Variants in FRMD8 observed in about 807,000 individuals in gnomAD.
FRMD8 encodes the protein FERM domain containing 8.
Under a neutral mutation model 54.2 loss-of-function variants are expected in FRMD8, and 37 were observed. The observed-to-expected ratio is 0.68, with a 90% CI of 0.53 to 0.90. The LOEUF is 0.90. FRMD8 is among the 40% of genes least tolerant of loss of function. FRMD8 has a pLI of 0.00. For synonymous variants in FRMD8, 246 were observed against 286.9 expected, an observed-to-expected ratio of 0.86 and a Z score of 1.44; for missense variants, 585 against 653.7, an observed-to-expected ratio of 0.89 and a Z score of 1.15.
At chr11:65,379,495 A>AC in the FRMD8 span, 2 of 1,613,952 alleles carry the variant, frequency 1.2e-6, no homozygotes, top group South Asian at 2.2e-5. Flanking sequence ...TAGACCCCAA[A>AC]CAGGACAGAG....
In FRMD8 at chr11:65,387,003, T is replaced by C. The variant is rs1855745575; in HGVS notation, c.1-34T>C. 2.5e-6 allele frequency: 4 copies of C among 1,584,458 alleles called. No homozygotes were observed. In the East Asian group the frequency reaches 9.0e-5, roughly 36 times the overall value. On this transcript the variant is annotated intron_variant, in intron 1 of 10. Transcript: ENST00000317568. ...AGACCTCCAGCCCCCCATCCCTGGC[T>C]CCCGGTAACTGCTGTTTCTCTTTGC...
In FRMD8 at chr11:65,389,512, G is replaced by T; in HGVS notation, c.237G>T (p.Leu79=). Residue 79 remains leucine (L), a synonymous_variant, in exon 3 of 11, where the codon CTG becomes CTT. Transcript: ENST00000317568. ...DIALDVFALW[L]VSPLLEVQLK... The stretch of plus-strand genomic sequence containing the variant: ...CCCTGGATGTCTTCGCGCTCTGGCT[G>T]GTCTCCCCTCTGCTGGGTAAGGCTT... 1.9e-6 allele frequency: 3 copies of T among 1,593,324 alleles called. No homozygotes were observed. The highest frequency in any genetic ancestry group is 2.6e-6 in the Non-Finnish European group (3 of 1,173,992).
upstream of FRMD8, among the ~76,000 whole-genome samples, chr11:65,384,934 C>T (rs1394439119): frequency 1.3e-5 from 2 of 152,152 alleles, no homozygotes; most frequent in African/African-American, 2.4e-5. Flanking sequence ...TGGTCTTGAA[C>T]TCCTGGCCTC....
chr11:65,386,937 C>T, intron 1 of FRMD8, 100 bp from the exon 2 acceptor site: 1 of 1,070,636 alleles, frequency 9.3e-7, no homozygotes, highest in Non-Finnish European at 1.4e-6. Context: ...CCTTGCGGAC[C>T]CAGCCTGGGA....
At chr11:65,380,747 C>T in the FRMD8 span, 9 of 440,976 alleles carry the variant, frequency 2.0e-5, no homozygotes, top group East Asian at 7.9e-5. Context: ...TGGGGGAGGT[C>T]GCACCCCCAG....
the FRMD8 span, among the ~76,000 whole-genome samples, chr11:65,372,232 C>G: frequency 6.6e-6 from 1 of 152,170 alleles, no homozygotes; most frequent in Non-Finnish European, 1.5e-5. Flanking sequence ...TTTTTAGAAT[C>G]TCTCTGGCCC....
At chr11:65,407,324 T>A (rs1018137896) in intron 10 of FRMD8, among the ~76,000 whole-genome samples, 6 of 151,896 alleles carry the variant, frequency 4.0e-5, no homozygotes, top group African/African-American at 1.4e-4. Flanking sequence ...TGATCTTGGC[T>A]CACTGCAACC....
At chr11:65,403,476 C>T (rs1856125363) in intron 9 of FRMD8, among the ~76,000 whole-genome samples, 1 of 152,248 alleles carries the variant, frequency 6.6e-6, no homozygotes, top group Non-Finnish European at 1.5e-5. Flanking sequence ...AGCCACGGCA[C>T]CTGGCCTGGC....
At chr11:65,377,266 C>T in the FRMD8 span, 5 of 1,420,334 alleles carry the variant, frequency 3.5e-6, no homozygotes, top group Admixed American at 9.0e-5. Flanking sequence ...CCGGGACAGG[C>T]CACCTCCCTT....
chr11:65,371,891 G>A, the FRMD8 span, among the ~76,000 whole-genome samples: 1 of 152,000 alleles, frequency 6.6e-6, no homozygotes, highest in African/African-American at 2.4e-5. Context: ...TGAGATTACA[G>A]GCATGAGCCA....
At chr11:65,381,811 C>G (rs1358881592), upstream of FRMD8, 13 of 1,437,456 alleles carry the variant, frequency 9.0e-6, no homozygotes, top group East Asian at 3.0e-4. Context: ...TCCCGCCAGG[C>G]CGGAACTCAG....
In FRMD8 at chr11:65,411,629, G is replaced by A. The variant is rs564689704; in HGVS notation, c.*269G>A. On this transcript the variant is annotated 3_prime_UTR_variant, in exon 11 of 11. Coordinates refer to ENST00000317568, the MANE Select transcript of FRMD8 (RefSeq NM_031904.5). Reference sequence around the variant, plus strand: ...CCCTGCTGCTCTCTCAGGACCATCCGATCAAGCTGCAGCTGCCACCCTCAC... The same window carrying A: ...CCCTGCTGCTCTCTCAGGACCATCCAATCAAGCTGCAGCTGCCACCCTCAC... The A allele has an allele frequency of 9.5e-5, 33 of 348,404 alleles. No homozygotes were observed. The highest frequency in any genetic ancestry group is 5.9e-4 in the African/African-American group (28 of 47,604). The allele number at this position is 348,404 out of a possible 1,614,324, so 21.6% of individuals were successfully genotyped here.
At position 65,394,334 on chromosome 11, in the gene FRMD8, G is replaced by T; in HGVS notation, c.490G>T (p.Asp164Tyr). 1 of 1,584,574 alleles carries T rather than the reference G, an allele frequency of 6.3e-7. No homozygotes were observed. Residue 164 changes from aspartate (D) to tyrosine (Y), a missense_variant, in exon 6 of 11, where the codon GAC becomes TAC. Transcript: ENST00000317568. ...GNVLAARYPC[D>Y]VEDCEALGAL... ...CGTGCTGGCTGCACGGTACCCGTGCGACGTGGAGGACTGCGAGGCTCTGGG... is the reference window on the plus strand; with the variant it reads ...CGTGCTGGCTGCACGGTACCCGTGCTACGTGGAGGACTGCGAGGCTCTGGG...
the FRMD8 span, chr11:65,376,522 C>T: frequency 2.4e-3 from 3,856 of 1,614,180 alleles, 92 homozygotes; most frequent in African/African-American, 0.045. Context: ...TCCTTCCTGC[C>T]GGATGCTGCT....
chr11:65,376,423 AG>A, the FRMD8 span: 1 of 1,613,684 alleles, frequency 6.2e-7, no homozygotes. Context: ...CCACCAGCGG[AG>A]GAGATATTCG....
chr11:65,371,956 G>C, the FRMD8 span, among the ~76,000 whole-genome samples: 1 of 151,774 alleles, frequency 6.6e-6, no homozygotes, highest in Non-Finnish European at 1.5e-5. Flanking sequence ...CTGTCACCTA[G>C]TCTGGAGTGC....
the FRMD8 span, among the ~76,000 whole-genome samples, chr11:65,369,029 G>C: frequency 1.3e-5 from 2 of 152,098 alleles, no homozygotes; most frequent in African/African-American, 4.8e-5. Flanking sequence ...TTCTCAAGGC[G>C]TTGCTCTCAG....
chr11:65,369,113 C>A, the FRMD8 span, among the ~76,000 whole-genome samples: 13 of 152,244 alleles, frequency 8.5e-5, no homozygotes, highest in South Asian at 2.7e-3. Flanking sequence ...ATCTTGGACC[C>A]GCCCCAAGCC....
chr11:65,400,036 C>A lies in FRMD8; in HGVS notation c.927+177C>A. Reference sequence around the variant, plus strand: ...TGAGGGTGATCCTGGGTCCTCTTGCCCAACATGCTAGGCTGTGGGGTGGCC... The same window carrying A: ...TGAGGGTGATCCTGGGTCCTCTTGCACAACATGCTAGGCTGTGGGGTGGCC... On this transcript the variant is annotated intron_variant, in intron 8 of 10. Coordinates refer to ENST00000317568, the MANE Select transcript of FRMD8 (RefSeq NM_031904.5). The surrounding 1 kb of genome is among the most constrained non-coding windows in gnomAD (Gnocchi z 4.3). 1 of 710,294 alleles carries A rather than the reference C, an allele frequency of 1.4e-6. No homozygotes were observed. The highest frequency in any genetic ancestry group is 2.2e-6 in the Non-Finnish European group (1 of 453,258). The allele number at this position is 710,294 out of a possible 1,614,324, so 44.0% of individuals were successfully genotyped here. A position where few individuals can be genotyped will look rare whatever the true frequency, so the allele number is the denominator to read the frequency against.
Sources: gnomAD v4.1 joint callset for allele counts (sites outside exome capture counted in the v4.1 genomes callset) on GRCh38, gnomAD v4.1.1 for gene constraint, Gnocchi (gnomAD v3.1) non-coding constraint, MANE v1.5 for transcripts, NCBI Gene and HGNC (gene_info 2026-07-23, HGNC 2026-07-21) for gene names.